Variants in FOXN3 observed in about 807,000 individuals in gnomAD.
FOXN3 encodes the protein forkhead box N3, also known as forkhead box protein N3.
FOXN3 carries 7 observed loss-of-function variants against 38.4 expected under a neutral mutation model. The observed-to-expected ratio is 0.18, with a 90% CI of 0.10 to 0.34. The LOEUF is 0.34. FOXN3 is among the 10% of genes least tolerant of loss of function. FOXN3 has a pLI of 1.00. For missense variants in FOXN3, 456 were observed against 613.4 expected, an observed-to-expected ratio of 0.74 and a Z score of 2.71; for synonymous variants, 230 against 242.2, an observed-to-expected ratio of 0.95 and a Z score of 0.47.
chr14:89,298,300 G>T (rs1238754254), intron 3 of FOXN3, among the ~76,000 whole-genome samples: 1 of 152,014 alleles, frequency 6.6e-6, no homozygotes, highest in Non-Finnish European at 1.5e-5. Context: ...CGGGGGGAGT[G>T]GTTGTTTAAT....
intron 1 of FOXN3, among the ~76,000 whole-genome samples, chr14:89,544,186 T>C (rs1344077467): frequency 1.3e-5 from 2 of 152,072 alleles, no homozygotes; most frequent in Admixed American, 6.5e-5. Flanking sequence ...GGACTACAGG[T>C]GCCTGCTACC....
chr14:89,273,843 C>T (rs1227942195), intron 4 of FOXN3, among the ~76,000 whole-genome samples: 2 of 152,148 alleles, frequency 1.3e-5, no homozygotes, highest in Non-Finnish European at 1.5e-5. Flanking sequence ...GAATAAAGGG[C>T]CCCTCCTTGA....
chr14:89,420,339 G>C (rs1299982446), upstream of FOXN3, among the ~76,000 whole-genome samples: 6 of 152,198 alleles, frequency 3.9e-5, no homozygotes, highest in Admixed American at 3.9e-4. Flanking sequence ...TGAGACAAGG[G>C]ACATGGTGAA....
At chr14:89,317,037 C>T (rs1188598460) in intron 3 of FOXN3, among the ~76,000 whole-genome samples, 1 of 152,146 alleles carries the variant, frequency 6.6e-6, no homozygotes, top group Non-Finnish European at 1.5e-5. Flanking sequence ...ATATAACATT[C>T]TATGCAGTAG....
intron 2 of FOXN3, among the ~76,000 whole-genome samples, chr14:89,364,108 C>T (rs1890052798): frequency 6.7e-6 from 1 of 148,728 alleles, no homozygotes; most frequent in Non-Finnish European, 1.5e-5. Flanking sequence ...GTTTACACTT[C>T]AAAAATTTAA....
At chr14:89,445,065 T>C (rs1246411263) in intron 1 of FOXN3, among the ~76,000 whole-genome samples, 1 of 151,606 alleles carries the variant, frequency 6.6e-6, no homozygotes, top group Non-Finnish European at 1.5e-5. Flanking sequence ...GAGGCTGAAG[T>C]GGGCCATGAT....
chr14:89,241,315 A>G (rs1885133397), intron 4 of FOXN3, among the ~76,000 whole-genome samples: 1 of 152,158 alleles, frequency 6.6e-6, no homozygotes, highest in African/African-American at 2.4e-5. Flanking sequence ...CAAATTTTCC[A>G]TTTCAGGCCA....
intron 1 of FOXN3, among the ~76,000 whole-genome samples, chr14:89,415,847 T>TAGAC: frequency 7.1e-6 from 1 of 140,510 alleles, no homozygotes; most frequent in East Asian, 2.1e-4. Flanking sequence ...AACTTTTCTC[T>TAGAC]ACACACACAC....
chr14:89,384,176 T>G (rs1191744646), intron 2 of FOXN3, among the ~76,000 whole-genome samples: 1 of 152,196 alleles, frequency 6.6e-6, no homozygotes, highest in Non-Finnish European at 1.5e-5. Context: ...GGTGGTGGCT[T>G]CTGAGAATGG....
At chr14:89,193,687 G>T (rs1333452709) in intron 4 of FOXN3, among the ~76,000 whole-genome samples, 1 of 152,190 alleles carries the variant, frequency 6.6e-6, no homozygotes, top group African/African-American at 2.4e-5. Context: ...TAAAAAAGCT[G>T]CTGTGAACTT....
At chr14:89,287,440 C>T (rs959744797) in intron 3 of FOXN3, among the ~76,000 whole-genome samples, 2 of 152,110 alleles carry the variant, frequency 1.3e-5, no homozygotes, top group Non-Finnish European at 1.5e-5. Flanking sequence ...GTGTGAGCCA[C>T]GCCCAGCCCC....
chr14:89,609,561 T>A (rs1896349610), intron 1 of FOXN3, among the ~76,000 whole-genome samples: 1 of 152,156 alleles, frequency 6.6e-6, no homozygotes, highest in Admixed American at 6.6e-5. Context: ...CTCCCAATAA[T>A]CCTTTCAGGA....
chr14:89,554,782 C>CTTTTTTTTTTTTTTTTTTTTTTT, intron 1 of FOXN3, among the ~76,000 whole-genome samples: 1 of 68,590 alleles, frequency 1.5e-5, no homozygotes, highest in Non-Finnish European at 2.8e-5. Flanking sequence ...ACTAGCATTT[C>CTTTTTTTTTTTTTTTTTTTTTTT]TTTTTTTTTT....
chr14:89,498,872 GT>G (rs1312427969), intron 1 of FOXN3, among the ~76,000 whole-genome samples: 1 of 152,164 alleles, frequency 6.6e-6, no homozygotes, highest in East Asian at 1.9e-4. Context: ...CAACTCACAA[GT>G]CAATGATTGG....
upstream of FOXN3, chr14:89,419,474 C>G (rs1177251919): frequency 3.4e-6 from 1 of 297,990 alleles, no homozygotes; most frequent in Non-Finnish European, 6.7e-6. Flanking sequence ...AATAAGCAAG[C>G]TGCATTGTCT....
chr14:89,455,588 G>A (rs1292382601), intron 1 of FOXN3, among the ~76,000 whole-genome samples: 1 of 152,194 alleles, frequency 6.6e-6, no homozygotes, highest in Non-Finnish European at 1.5e-5. Flanking sequence ...AACCAGCTGA[G>A]TGAGCCGGCC....
chr14:89,427,462 C>T (rs1429455341), intron 1 of FOXN3, among the ~76,000 whole-genome samples: 11 of 147,046 alleles, frequency 7.5e-5, no homozygotes, highest in South Asian at 2.2e-4. Context: ...TCCACCACTG[C>T]GCCCGGCTGA....
chr14:89,613,989 C>T (rs1896445645), intron 1 of FOXN3, among the ~76,000 whole-genome samples: 1 of 152,210 alleles, frequency 6.6e-6, no homozygotes, highest in Non-Finnish European at 1.5e-5. Context: ...ATCCTCAATA[C>T]TGACAGCTTC....
chr14:89,356,865 T>C (rs1566965058), intron 2 of FOXN3, among the ~76,000 whole-genome samples: 1 of 152,160 alleles, frequency 6.6e-6, no homozygotes, highest in Non-Finnish European at 1.5e-5. Context: ...TATGACAGAC[T>C]GTAATACCTG....
Sources: gnomAD v4.1 joint callset for allele counts (sites outside exome capture counted in the v4.1 genomes callset) on GRCh38, gnomAD v4.1.1 for gene constraint, MANE v1.5 for transcripts, NCBI Gene and HGNC (gene_info 2026-07-23, HGNC 2026-07-21) for gene names.